Variants in FAM204A observed in about 807,000 individuals in gnomAD.
The protein encoded by FAM204A is protein FAM204A.
FAM204A carries 16 observed loss-of-function variants against 35.4 expected under a neutral mutation model. The ratio of observed to expected loss-of-function variants is 0.45; its 90% CI spans 0.31 to 0.69. The LOEUF is 0.69. FAM204A is among the 30% of genes least tolerant of loss of function. The pLI, the probability that FAM204A is intolerant of heterozygous loss-of-function variation, is 0.07. For synonymous variants in FAM204A, 76 were observed against 86.9 expected (o/e 0.88, Z 0.70); for missense variants, 240 against 265.7 (o/e 0.90, Z 0.67).
rs1358584455 is a variant in FAM204A at position 118,308,153 on chromosome 10, T to A, written c.*2704A>T. ...AAAGCTCAAAATTACTGTTCTTTAG[T>A]AAGATGTTTTAGCCTAAAGTACTTA... On this transcript the variant is annotated 3_prime_UTR_variant, in exon 9 of 9. Coordinates refer to ENST00000369183, the MANE Select transcript of FAM204A (RefSeq NM_022063.3). 6.6e-6 allele frequency: 1 copy of A among 152,226 alleles called. No individual in the cohort carries two copies. The highest frequency in any genetic ancestry group is 1.9e-4 in the East Asian group (1 of 5,196). The allele number at this position is 152,226 out of a possible 1,614,324, so 9.4% of individuals were successfully genotyped here.
chr10:118,328,266 C>T (rs1021298338), intron 6 of FAM204A, among the ~76,000 whole-genome samples: 6 of 152,152 alleles, frequency 3.9e-5, no homozygotes, highest in African/African-American at 7.2e-5. Context: ...TTCCCTGGCA[C>T]GGTCCTTCAG....
Position 118,307,227 on chromosome 10 carries a change from G to A in FAM204A, c.*3630C>T, listed in dbSNP as rs545220026. ...TTTCGACCCGTCACCATGCTAGAAGGCACTGATGTCACAAATACCAGTCTA... is the reference window on the plus strand; with the variant it reads ...TTTCGACCCGTCACCATGCTAGAAGACACTGATGTCACAAATACCAGTCTA... On this transcript the variant is annotated 3_prime_UTR_variant, in exon 9 of 9. Coordinates refer to ENST00000369183, the MANE Select transcript of FAM204A (RefSeq NM_022063.3). 1 of 152,260 alleles carries A rather than the reference G, an allele frequency of 6.6e-6. No individual in the cohort carries two copies. The highest frequency in any genetic ancestry group is 2.1e-4 in the South Asian group (1 of 4,826). 9.4% of individuals were successfully genotyped at this position (152,260 alleles called of 1,614,324 possible). A position where few individuals can be genotyped will look rare whatever the true frequency, so the allele number is the denominator to read the frequency against.
chr10:118,336,265 T>C lies in FAM204A; in HGVS notation c.151A>G (p.Thr51Ala), dbSNP rs753920494. The change falls in exon 3 of 9, where the codon ACA becomes GCA. Residue 51 changes from threonine (T) to alanine (A), a missense_variant. Physicochemically the swap from Thr to Ala is moderately conservative, Grantham distance 58 (BLOSUM62 0). Coordinates refer to ENST00000369183, the MANE Select transcript of FAM204A (RefSeq NM_022063.3). ...IRKTEIIDFS[T>A]DEPKTETESN... ...TCTGTTTCAGTTTTTGGTTCATCTGTTGAGAAATCTATGATTTCTGTTTTT... is the reference window on the plus strand; with the variant it reads ...TCTGTTTCAGTTTTTGGTTCATCTGCTGAGAAATCTATGATTTCTGTTTTT... The C allele has an allele frequency of 1.9e-6, 3 of 1,613,994 alleles. No individual in the cohort carries two copies. The highest frequency in any genetic ancestry group is 1.7e-6 in the Non-Finnish European group (2 of 1,179,842).
chr10:118,331,843 TTATATA>T (rs55733401), intron 6 of FAM204A, among the ~76,000 whole-genome samples: 8 of 142,434 alleles, frequency 5.6e-5, no homozygotes, highest in African/African-American at 5.1e-5. Context: ...TTTGTTACCT[TTATATA>T]TATATATATA....
Position 118,306,710 on chromosome 10 carries a change from TAA to T in FAM204A, c.*4145_*4146del, listed in dbSNP as rs1296673293. On this transcript the variant is annotated 3_prime_UTR_variant, in exon 9 of 9. Coordinates refer to ENST00000369183, the MANE Select transcript of FAM204A (RefSeq NM_022063.3). Reference sequence around the variant, plus strand: ...ATACTCACTATTGAGTAGGAGATAATAAAGAGACAACACACCTCATTTTAACA... The same window carrying T: ...ATACTCACTATTGAGTAGGAGATAATAGAGACAACACACCTCATTTTAACA... The T allele has an allele frequency of 1.3e-5, 2 of 152,170 alleles. No homozygotes were observed. The highest frequency in any genetic ancestry group is 3.9e-4 in the East Asian group (2 of 5,186). 9.4% of individuals were successfully genotyped at this position (152,170 alleles called of 1,614,324 possible).
intron 6 of FAM204A, among the ~76,000 whole-genome samples, chr10:118,329,704 G>A (rs1846259961): frequency 6.6e-6 from 1 of 152,154 alleles, no homozygotes; most frequent in African/African-American, 2.4e-5. Flanking sequence ...TACTCAGTGA[G>A]AGCAGGCTGT....
intron 6 of FAM204A, among the ~76,000 whole-genome samples, chr10:118,332,190 T>A (rs75499468): frequency 0.011 from 228 of 20,916 alleles, no homozygotes; most frequent in Middle Eastern, 0.042. Context: ...AAAAAAAAAA[T>A]CATATGAGTC....
At chr10:118,334,802 C>T (rs543420292) in intron 6 of FAM204A, among the ~76,000 whole-genome samples, 51 of 152,186 alleles carry the variant, frequency 3.4e-4, no homozygotes, top group Admixed American at 1.4e-3. Context: ...CATGCCTCTG[C>T]GCTAGCATTC....
intron 6 of FAM204A, among the ~76,000 whole-genome samples, chr10:118,327,350 C>G (rs762339592): frequency 9.2e-5 from 14 of 152,170 alleles, no homozygotes; most frequent in Non-Finnish European, 1.6e-4. Flanking sequence ...GAAATAAAGA[C>G]CAGTGACGCT....
At chr10:118,325,021 A>G (rs1361990147) in intron 7 of FAM204A, among the ~76,000 whole-genome samples, 1 of 152,092 alleles carries the variant, frequency 6.6e-6, no homozygotes, top group Non-Finnish European at 1.5e-5. Flanking sequence ...AAACACATAC[A>G]CACACATTAA....
intron 7 of FAM204A, among the ~76,000 whole-genome samples, chr10:118,314,562 G>A (rs1451717428): frequency 6.6e-6 from 1 of 152,122 alleles, no homozygotes; most frequent in Non-Finnish European, 1.5e-5. Flanking sequence ...ATCGTGCTGT[G>A]CTGCAGTATT....
chr10:118,338,600 A>C (rs560371483), intron 2 of FAM204A, among the ~76,000 whole-genome samples: 5 of 152,340 alleles, frequency 3.3e-5, no homozygotes, highest in Admixed American at 6.5e-5. Flanking sequence ...GAAGTATATA[A>C]AACAGGCAAA....
In FAM204A at chr10:118,304,534, TC is replaced by T. The variant is rs1389346287; in HGVS notation, c.*6322del. 1 of 152,522 alleles carries T rather than the reference TC, an allele frequency of 6.6e-6. No individual in the cohort carries two copies. Among genetic ancestry groups the T allele is most frequent in the Non-Finnish European group, 1.5e-5 (1 of 68,282 alleles). The allele number at this position is 152,522 out of a possible 1,614,324, so 9.4% of individuals were successfully genotyped here. A position where few individuals can be genotyped will look rare whatever the true frequency, so the allele number is the denominator to read the frequency against. ...CGCCATCTCTTTCTGCTGCTCTACT[TC>T]CCTGTTCTCATTCTCTCCCCTGGCC... On this transcript the variant is annotated 3_prime_UTR_variant, in exon 9 of 9. Transcript: ENST00000369183.
intron 7 of FAM204A, among the ~76,000 whole-genome samples, chr10:118,311,884 C>T (rs1283704698): frequency 1.3e-5 from 2 of 152,182 alleles, no homozygotes; most frequent in African/African-American, 4.8e-5. Flanking sequence ...GGTGAAAAGG[C>T]TGAGCACCAG....
intron 7 of FAM204A, among the ~76,000 whole-genome samples, chr10:118,316,930 C>T (rs901266518): frequency 6.6e-6 from 1 of 151,944 alleles, no homozygotes; most frequent in Non-Finnish European, 1.5e-5. Context: ...TATATTCAAG[C>T]AACTTATGCC....
In FAM204A at chr10:118,326,259, A is replaced by T; in HGVS notation, c.454-16T>A. 6.2e-7 allele frequency: 1 copy of T among 1,604,560 alleles called. No homozygotes were observed. On this transcript the variant is annotated splice_polypyrimidine_tract_variant and intron_variant, in intron 6 of 8. Transcript: ENST00000369183. The stretch of plus-strand genomic sequence containing the variant: ...CAAGGCCTGACTAGAAAAAAAAGAA[A>T]CCTAAAATTAAGGGCTGGAAGGAAA...
In FAM204A at chr10:118,304,614, G is replaced by C. The variant is rs1024768002; in HGVS notation, c.*6243C>G. On this transcript the variant is annotated 3_prime_UTR_variant, in exon 9 of 9. Coordinates refer to ENST00000369183, the MANE Select transcript of FAM204A (RefSeq NM_022063.3). ...TGTGCCACGCCGTTCCTTCTACCTA[G>C]GATGCACTCGCTTCTACTCGCCTAC... 1.3e-5 allele frequency: 2 copies of C among 152,292 alleles called. No individual in the cohort carries two copies. Among genetic ancestry groups the C allele is most frequent in the African/African-American group, 4.8e-5 (2 of 41,426 alleles). The allele number at this position is 152,292 out of a possible 1,614,324, so 9.4% of individuals were successfully genotyped here.
chr10:118,330,907 A>T (rs1332004501), intron 6 of FAM204A, among the ~76,000 whole-genome samples: 1 of 152,206 alleles, frequency 6.6e-6, no homozygotes, highest in African/African-American at 2.4e-5. Flanking sequence ...TATCTTACAC[A>T]TGCAATAAAA....
intron 2 of FAM204A, among the ~76,000 whole-genome samples, chr10:118,338,500 CTA>C (rs1260783388): frequency 6.6e-6 from 1 of 152,040 alleles, no homozygotes; most frequent in African/African-American, 2.4e-5. Flanking sequence ...TCACTGGAGT[CTA>C]TGTTAGAAAT....
Sources: allele counts gnomAD v4.1 joint callset (sites outside exome capture counted in the v4.1 genomes callset), GRCh38; gene constraint gnomAD v4.1.1; transcripts MANE v1.5; gene names NCBI Gene and HGNC (gene_info 2026-07-23, HGNC 2026-07-21).